The following CNTNAP3B variants were observed in gnomAD, a reference collection of about 807,000 sequenced individuals.
The protein encoded by CNTNAP3B is contactin-associated protein-like 3B.
Under a neutral mutation model 108.9 loss-of-function variants are expected in CNTNAP3B, and 25 were observed. The ratio of observed to expected loss-of-function variants is 0.23; its 90% CI spans 0.17 to 0.32. The LOEUF is 0.32. Ranked by LOEUF, CNTNAP3B falls within the 10% of genes least tolerant of loss-of-function variation. The probability of loss-of-function intolerance (pLI) is 1.00; values close to 1 mark genes in which losing one functional copy is unlikely to be tolerated. For synonymous variants in CNTNAP3B, 103 were observed against 473.4 expected, an observed-to-expected ratio of 0.22 and a Z score of 10.16; for missense variants, 252 against 1,210.4, an observed-to-expected ratio of 0.21 and a Z score of 11.75.
At chr9:42,124,332 C>G (rs1305732959) in intron 1 of CNTNAP3B, among the ~76,000 whole-genome samples, 1 of 134,288 alleles carries the variant, frequency 7.4e-6, no homozygotes, top group Non-Finnish European at 1.6e-5. Flanking sequence ...AGCATATACT[C>G]CATTTTTTAG....
At chr9:42,054,868 T>G (rs1471479076) in intron 3 of CNTNAP3B, among the ~76,000 whole-genome samples, 1 of 149,576 alleles carries the variant, frequency 6.7e-6, no homozygotes, top group South Asian at 2.1e-4. Context: ...CTATACCAAA[T>G]GACCTCCCTA....
At chr9:41,961,622 A>T (rs1424027569) in intron 11 of CNTNAP3B, among the ~76,000 whole-genome samples, 3 of 152,296 alleles carry the variant, frequency 2.0e-5, no homozygotes, top group African/African-American at 7.2e-5. Flanking sequence ...AATATGAATG[A>T]GCATTTTAAA....
chr9:41,942,524 T>A (rs1444505967), intron 13 of CNTNAP3B, among the ~76,000 whole-genome samples: 75 of 151,278 alleles, frequency 5.0e-4, no homozygotes, highest in Middle Eastern at 3.4e-3. Context: ...GGCGGGAGAA[T>A]GGCGTGAACC....
intron 2 of CNTNAP3B, among the ~76,000 whole-genome samples, chr9:42,080,210 TGTTA>T (rs1326506624): frequency 1.5e-5 from 2 of 137,292 alleles, no homozygotes; most frequent in Non-Finnish European, 1.6e-5. Flanking sequence ...CCTCACAGTT[TGTTA>T]GTTTGTTGGT....
intron 12 of CNTNAP3B, among the ~76,000 whole-genome samples, chr9:41,958,226 G>C (rs188242629): frequency 9.8e-5 from 15 of 152,404 alleles, no homozygotes; most frequent in Non-Finnish European, 1.5e-4. Context: ...TCCCACCTCA[G>C]CCTCCCAAGT....
intron 12 of CNTNAP3B, among the ~76,000 whole-genome samples, chr9:41,956,528 A>T (rs1587143076): frequency 1.3e-5 from 2 of 152,294 alleles, no homozygotes; most frequent in African/African-American, 4.8e-5. Context: ...TCAGTATATC[A>T]TATGAAATCC....
At chr9:42,099,118 C>T (rs1364020012) in intron 2 of CNTNAP3B, among the ~76,000 whole-genome samples, 1 of 128,430 alleles carries the variant, frequency 7.8e-6, no homozygotes, top group Non-Finnish European at 1.6e-5. Context: ...AAACACAATG[C>T]TCATTCACTC....
At chr9:41,948,335 A>C (rs1232441088) in intron 13 of CNTNAP3B, among the ~76,000 whole-genome samples, 1 of 152,166 alleles carries the variant, frequency 6.6e-6, no homozygotes, top group Non-Finnish European at 1.5e-5. Flanking sequence ...CAAGTGATCC[A>C]TCTGCCTCAG....
intron 14 of CNTNAP3B, among the ~76,000 whole-genome samples, chr9:41,932,520 C>T (rs193164979): frequency 0.082 from 907 of 11,050 alleles, 5 homozygotes; most frequent in African/African-American, 0.14. Flanking sequence ...TTTTTTTCTT[C>T]TTTTTTTTTT....
intron 3 of CNTNAP3B, among the ~76,000 whole-genome samples, chr9:42,066,368 C>T (rs1390519173): frequency 1.2e-5 from 1 of 85,846 alleles, no homozygotes; most frequent in Non-Finnish European, 2.3e-5. Flanking sequence ...GGAGGTATTT[C>T]TGATTATTAA....
intron 14 of CNTNAP3B, among the ~76,000 whole-genome samples, chr9:41,933,970 A>G (rs1564148132): frequency 1.4e-5 from 2 of 143,270 alleles, no homozygotes; most frequent in Non-Finnish European, 3.0e-5. Flanking sequence ...TAAACGATAT[A>G]TGGCTGCTAT....
At chr9:41,917,119 T>C (rs1387476374) in intron 18 of CNTNAP3B, among the ~76,000 whole-genome samples, 1 of 152,298 alleles carries the variant, frequency 6.6e-6, no homozygotes, top group Non-Finnish European at 1.5e-5. Flanking sequence ...TCAAATATTT[T>C]TTTCTGATCC....
chr9:41,924,305 G>A (rs948424754), intron 15 of CNTNAP3B, among the ~76,000 whole-genome samples: 2 of 152,306 alleles, frequency 1.3e-5, no homozygotes, highest in Admixed American at 1.3e-4. Context: ...GTTCAGAGAA[G>A]GCCAAACAAA....
chr9:42,128,231 C>G (rs1403001262), intron 1 of CNTNAP3B, among the ~76,000 whole-genome samples: 1 of 139,766 alleles, frequency 7.2e-6, no homozygotes, highest in Non-Finnish European at 1.5e-5. Context: ...GCTCATCTGT[C>G]TGGAATATCA....
At chr9:41,988,592 GA>G (rs1272293658) in intron 8 of CNTNAP3B, among the ~76,000 whole-genome samples, 2 of 148,580 alleles carry the variant, frequency 1.3e-5, no homozygotes, top group Admixed American at 1.4e-4. Flanking sequence ...GTAGAAAATT[GA>G]AAGCAGGCAA....
intron 13 of CNTNAP3B, among the ~76,000 whole-genome samples, chr9:41,939,087 A>T (rs1824249592): frequency 6.6e-6 from 1 of 152,296 alleles, no homozygotes; most frequent in Admixed American, 6.5e-5. Flanking sequence ...TCAGACACTA[A>T]CTCAGATCTA....
chr9:41,941,874 A>G (rs1824355974), intron 13 of CNTNAP3B, among the ~76,000 whole-genome samples: 1 of 151,970 alleles, frequency 6.6e-6, no homozygotes. Flanking sequence ...TATCTCCAGG[A>G]AGAGCCCCAT....
At chr9:42,076,331 CAGA>C (rs1209175085) in intron 3 of CNTNAP3B, among the ~76,000 whole-genome samples, 2 of 127,216 alleles carry the variant, frequency 1.6e-5, no homozygotes, top group Non-Finnish European at 3.2e-5. Flanking sequence ...GAGGCTGATG[CAGA>C]AGAATTGTTT....
intron 14 of CNTNAP3B, among the ~76,000 whole-genome samples, chr9:41,931,368 T>A: frequency 6.6e-6 from 1 of 152,340 alleles, no homozygotes; most frequent in Middle Eastern, 3.4e-3. Context: ...TCCAATAAAT[T>A]ACTGTTAACT....
Sources: allele counts gnomAD v4.1 joint callset (sites outside exome capture counted in the v4.1 genomes callset), GRCh38; gene constraint gnomAD v4.1.1; transcripts MANE v1.5; gene names NCBI Gene and HGNC (gene_info 2026-07-23, HGNC 2026-07-21).